SLC14A2: variants seen among roughly 807,000 people sequenced by gnomAD.
SLC14A2 encodes urea transporter 2.
Under a neutral mutation model 104.6 loss-of-function variants are expected in SLC14A2, and 91 were observed. That is an observed-to-expected ratio of 0.87 (90% CI 0.73 to 1.04). SLC14A2 has a LOEUF of 1.04. SLC14A2 is among the 50% of genes least tolerant of loss of function. The pLI is 0.00. For missense variants in SLC14A2, 1,189 were observed against 1,156.0 expected, an observed-to-expected ratio of 1.03 and a Z score of -0.41; for synonymous variants, 476 against 466.4, an observed-to-expected ratio of 1.02 and a Z score of -0.27.
At chr18:45,484,959 C>G (rs2087571924) in intron 2 of SLC14A2, among the ~76,000 whole-genome samples, 1 of 152,192 alleles carries the variant, frequency 6.6e-6, no homozygotes, top group Non-Finnish European at 1.5e-5. Flanking sequence ...CTTACCAACA[C>G]TACCACAATT....
intron 1 of SLC14A2, among the ~76,000 whole-genome samples, chr18:45,306,420 C>G (rs1418530468): frequency 6.6e-6 from 1 of 152,112 alleles, no homozygotes; most frequent in South Asian, 2.1e-4. Flanking sequence ...GGTGCAGGAG[C>G]CATTCAGTCT....
At chr18:45,200,210 G>T in the SLC14A2 span, among the ~76,000 whole-genome samples, 23 of 151,908 alleles carry the variant, frequency 1.5e-4, no homozygotes, top group Admixed American at 1.3e-4. Flanking sequence ...AGTACCCTTC[G>T]TTTTTCAGAC....
chr18:45,436,879 G>A (rs1333806588), intron 1 of SLC14A2, among the ~76,000 whole-genome samples: 8 of 152,028 alleles, frequency 5.3e-5, no homozygotes, highest in Admixed American at 5.2e-4. Context: ...TCAAAAGGTG[G>A]GTGCAAGGGA....
At position 45,283,769 on chromosome 18, in the gene SLC14A2, C is replaced by T. The variant is rs73427940; in HGVS notation, c.-125+70578C>T. On this transcript the variant is annotated intron_variant, in intron 1 of 20. Transcript: ENST00000586448. ...TTTTAGATATAGAGATATGCCCCCT[C>T]GTGGGTTCTTGTCTTACCTCGAGGG... Among the ~76,000 whole-genome samples the T allele has an allele frequency of 2.0e-3, 311 of 152,202 alleles. 2 individuals are homozygous for T. Among genetic ancestry groups the T allele is most frequent in the African/African-American group, 7.2e-3 (298 of 41,546 alleles).
intron 2 of SLC14A2, among the ~76,000 whole-genome samples, chr18:45,551,397 G>T (rs999366613): frequency 6.6e-6 from 1 of 152,312 alleles, no homozygotes; most frequent in East Asian, 1.9e-4. Context: ...TGCTCAAAGC[G>T]CAGAGCTGCA....
At chr18:45,256,210 T>C (rs1004832799) in intron 1 of SLC14A2, among the ~76,000 whole-genome samples, 16 of 151,760 alleles carry the variant, frequency 1.1e-4, no homozygotes, top group Admixed American at 3.9e-4. Context: ...AGAAAACTCT[T>C]ACTGAAGTAT....
chr18:45,636,263 G>T (rs1190608551), intron 5 of SLC14A2, among the ~76,000 whole-genome samples: 1 of 152,188 alleles, frequency 6.6e-6, no homozygotes, highest in African/African-American at 2.4e-5. Flanking sequence ...ACTGAGTGTG[G>T]ATGATGTGGG....
At chr18:45,275,451 T>C (rs1287036115) in intron 1 of SLC14A2, among the ~76,000 whole-genome samples, 1 of 152,158 alleles carries the variant, frequency 6.6e-6, no homozygotes, top group African/African-American at 2.4e-5. Flanking sequence ...CTCTTTTCCA[T>C]ACACTGCTCC....
At chr18:45,318,954 A>C (rs566858982) in intron 1 of SLC14A2, among the ~76,000 whole-genome samples, 2 of 152,098 alleles carry the variant, frequency 1.3e-5, no homozygotes, top group African/African-American at 4.8e-5. Flanking sequence ...TGTCAAAGGG[A>C]CTAGAGAATC....
chr18:45,265,450 C>A (rs910812876), intron 1 of SLC14A2, among the ~76,000 whole-genome samples: 1 of 152,136 alleles, frequency 6.6e-6, no homozygotes, highest in African/African-American at 2.4e-5. Flanking sequence ...CTCTAAGGTC[C>A]TTTTGAAATA....
rs533246736 is a variant in SLC14A2 at position 45,549,045 on chromosome 18, G to A, written c.-35+65723G>A. 1.5e-3 allele frequency among the ~76,000 whole-genome samples: 221 copies of A among 152,342 alleles called. 1 individual carries two copies. Among genetic ancestry groups the A allele is most frequent in the African/African-American group, 4.8e-3 (198 of 41,572 alleles). On this transcript the variant is annotated intron_variant, in intron 2 of 20. Coordinates refer to the SLC14A2 transcript ENST00000586448. ...TCTCACAATATTGCCGAAGGCTAGC[G>A]CCTCCTCCATCCTCCTTCCTATGCT...
At chr18:45,204,411 G>A in the SLC14A2 span, among the ~76,000 whole-genome samples, 8 of 152,304 alleles carry the variant, frequency 5.3e-5, no homozygotes, top group African/African-American at 7.2e-5. Context: ...TGGCTTGTGC[G>A]ATCCCTGTGG....
chr18:45,562,489 A>G (rs2044214327), intron 2 of SLC14A2, among the ~76,000 whole-genome samples: 1 of 152,126 alleles, frequency 6.6e-6, no homozygotes, highest in Non-Finnish European at 1.5e-5. Flanking sequence ...TGGCAGGGGG[A>G]CAGCAGGAGC....
chr18:45,313,003 G>A (rs1282839406), intron 1 of SLC14A2, among the ~76,000 whole-genome samples: 1 of 152,172 alleles, frequency 6.6e-6, no homozygotes, highest in Non-Finnish European at 1.5e-5. Flanking sequence ...ACCACCACAC[G>A]CCCAGGGTTG....
intron 1 of SLC14A2, among the ~76,000 whole-genome samples, chr18:45,404,303 T>G (rs1173776036): frequency 6.6e-6 from 1 of 152,182 alleles, no homozygotes; most frequent in Non-Finnish European, 1.5e-5. Context: ...TGATAGAAAT[T>G]TTTGTATTAT....
At chr18:45,426,531 G>A (rs181593836) in intron 1 of SLC14A2, among the ~76,000 whole-genome samples, 101 of 148,178 alleles carry the variant, frequency 6.8e-4, no homozygotes, top group Admixed American at 5.6e-3. Context: ...AAGCAGAGCC[G>A]AATGAGATCA....
chr18:45,502,940 A>C (rs1167922509), intron 2 of SLC14A2, among the ~76,000 whole-genome samples: 2 of 151,820 alleles, frequency 1.3e-5, no homozygotes, highest in Admixed American at 1.3e-4. Flanking sequence ...AGGAATGATC[A>C]ATAAAATATT....
chr18:45,331,193 A>C (rs1165108972), intron 1 of SLC14A2, among the ~76,000 whole-genome samples: 1 of 152,106 alleles, frequency 6.6e-6, no homozygotes, highest in Non-Finnish European at 1.5e-5. Context: ...CGGACATCTA[A>C]CTCCCTTTGT....
intron 1 of SLC14A2, among the ~76,000 whole-genome samples, chr18:45,615,860 G>T (rs969757683): frequency 4.5e-4 from 65 of 145,586 alleles, no homozygotes; most frequent in African/African-American, 1.6e-3. Flanking sequence ...AGAGAGAGAG[G>T]GAGAGAGAGA....
Sources: allele counts gnomAD v4.1 joint callset (sites outside exome capture counted in the v4.1 genomes callset), GRCh38; gene constraint gnomAD v4.1.1; transcripts MANE v1.5; gene names NCBI Gene and HGNC (gene_info 2026-07-23, HGNC 2026-07-21).